Variants in RTN4 observed in about 807,000 individuals in gnomAD.
RTN4 encodes reticulon-4.
A neutral mutation model predicts 90.4 loss-of-function variants in RTN4; 32 were observed. The ratio of observed to expected loss-of-function variants is 0.35; its 90% CI spans 0.27 to 0.48. The LOEUF (loss-of-function observed/expected upper bound fraction) is 0.48. Among genes scored for constraint, RTN4 ranks in the 20% least tolerant of loss-of-function variants. The pLI, the probability that RTN4 is intolerant of heterozygous loss-of-function variation, is 0.99. For missense variants in RTN4, 1,706 were observed against 1,430.2 expected, an observed-to-expected ratio of 1.19 and a Z score of -3.11; for synonymous variants, 629 against 552.5, an observed-to-expected ratio of 1.14 and a Z score of -1.94.
chr2:54,988,294 G>A (rs1406676794), intron 3 of RTN4, among the ~76,000 whole-genome samples: 2 of 152,192 alleles, frequency 1.3e-5, no homozygotes, highest in African/African-American at 4.8e-5. Flanking sequence ...TCCAGAATGG[G>A]CGACAGAGCA....
intron 4 of RTN4, among the ~76,000 whole-genome samples, chr2:54,986,139 C>T (rs1226884599): frequency 6.6e-6 from 1 of 152,064 alleles, no homozygotes; most frequent in African/African-American, 2.4e-5. Context: ...AAATGAGAGA[C>T]AAGACAAAGA....
At chr2:55,086,408 C>G (rs915869972) in intron 1 of RTN4, among the ~76,000 whole-genome samples, 3 of 151,958 alleles carry the variant, frequency 2.0e-5, no homozygotes, top group Admixed American at 6.6e-5. Flanking sequence ...CACCTGTAAT[C>G]CCAGAACGTT....
At chr2:55,041,089 T>C (rs1188434813) in intron 1 of RTN4, among the ~76,000 whole-genome samples, 1 of 151,840 alleles carries the variant, frequency 6.6e-6, no homozygotes, top group East Asian at 1.9e-4. Flanking sequence ...AATTTTTTTT[T>C]TTTTTTGGAA....
At chr2:54,996,027 G>A (rs773413806) in intron 3 of RTN4, among the ~76,000 whole-genome samples, 3 of 152,034 alleles carry the variant, frequency 2.0e-5, no homozygotes, top group African/African-American at 7.2e-5. Flanking sequence ...CAAGGCTGTA[G>A]GACACAATAT....
chr2:55,111,596 C>A (rs1242064918), intron 1 of RTN4, among the ~76,000 whole-genome samples: 1 of 152,132 alleles, frequency 6.6e-6, no homozygotes, highest in Admixed American at 6.5e-5. Flanking sequence ...CACCTCCCAC[C>A]CTCTGCTGGG....
At chr2:54,998,516 T>C (rs1253577834) in intron 3 of RTN4, among the ~76,000 whole-genome samples, 1 of 152,232 alleles carries the variant, frequency 6.6e-6, no homozygotes, top group Non-Finnish European at 1.5e-5. Flanking sequence ...TTATTTTATT[T>C]ACACTATTTT....
chr2:55,079,089 G>A (rs978070002), intron 2 of RTN4, among the ~76,000 whole-genome samples: 11 of 152,204 alleles, frequency 7.2e-5, no homozygotes, highest in Non-Finnish European at 1.6e-4. Flanking sequence ...ACATAGAGGA[G>A]GTTGTGGTCA....
chr2:54,980,543 T>C (rs1009529547), intron 5 of RTN4, among the ~76,000 whole-genome samples: 1 of 152,240 alleles, frequency 6.6e-6, no homozygotes, highest in Admixed American at 6.5e-5. Flanking sequence ...ATTGTAGACA[T>C]ATAGCTGCCT....
chr2:55,018,557 A>C (rs1681205438), intron 3 of RTN4, among the ~76,000 whole-genome samples: 1 of 152,182 alleles, frequency 6.6e-6, no homozygotes, highest in African/African-American at 2.4e-5. Flanking sequence ...AGTGATATGA[A>C]AAAAGCATTC....
At chr2:55,065,515 TAAAA>T (rs530373145) in intron 2 of RTN4, among the ~76,000 whole-genome samples, 2 of 150,768 alleles carry the variant, frequency 1.3e-5, no homozygotes, top group African/African-American at 2.4e-5. Flanking sequence ...ACTTATAAAA[TAAAA>T]AAAAAATTTT....
At position 55,027,185 on chromosome 2, in the gene RTN4, C is replaced by T; in HGVS notation, c.914G>A (p.Ser305Asn). The T allele has an allele frequency of 1.2e-6, 2 of 1,613,718 alleles. No individual in the cohort carries two copies. The change falls in exon 3 of 9, where the codon AGT (serine) becomes AAT (asparagine). Residue 305 changes from serine to asparagine, a missense_variant. Coordinates refer to ENST00000337526, the MANE Select transcript of RTN4 (RefSeq NM_020532.5). ...GGCAGATTCTGCTTTTGGAGAGACACTGAACGATGATCCCATTTCTGAGTA... is the reference window on the plus strand; with the variant it reads ...GGCAGATTCTGCTTTTGGAGAGACATTGAACGATGATCCCATTTCTGAGTA... ...LEYSEMGSSF[S>N]VSPKAESAVI...
intron 1 of RTN4, among the ~76,000 whole-genome samples, chr2:55,081,520 CACTACTTGCA>C (rs926665098): frequency 1.3e-5 from 2 of 151,928 alleles, no homozygotes; most frequent in Non-Finnish European, 2.9e-5. Flanking sequence ...GTGATTATTG[CACTACTTGCA>C]AACTCAGAGA....
chr2:55,088,269 G>A (rs1234200721), intron 1 of RTN4, among the ~76,000 whole-genome samples: 2 of 152,248 alleles, frequency 1.3e-5, no homozygotes, highest in Non-Finnish European at 2.9e-5. Flanking sequence ...AGGGAAGGAA[G>A]GAAAAGTGGG....
chr2:55,032,959 T>C (rs1469406629), intron 1 of RTN4, among the ~76,000 whole-genome samples: 2 of 151,404 alleles, frequency 1.3e-5, no homozygotes, highest in South Asian at 2.1e-4. Flanking sequence ...GCCCAGGAGT[T>C]TGAGGCTGTA....
upstream of RTN4, among the ~76,000 whole-genome samples, chr2:55,114,421 G>A (rs1299771908): frequency 5.9e-5 from 9 of 152,164 alleles, no homozygotes; most frequent in South Asian, 2.1e-4. Context: ...ACTCCAGGCC[G>A]GGCGTGGTGG....
intron 4 of RTN4, 59 bp downstream of exon 4, chr2:54,987,432 T>C: frequency 2.4e-6 from 3 of 1,230,932 alleles, no homozygotes; most frequent in Non-Finnish European, 1.2e-6. Flanking sequence ...AGATGAAGTC[T>C]TAATACCAAT....
At chr2:54,994,606 C>G (rs1192746124) in intron 3 of RTN4, among the ~76,000 whole-genome samples, 2 of 152,074 alleles carry the variant, frequency 1.3e-5, no homozygotes, top group African/African-American at 4.8e-5. Flanking sequence ...CTACAAAAAC[C>G]CACAGCTAAC....
At chr2:55,009,209 G>GA (rs1680455713) in intron 3 of RTN4, among the ~76,000 whole-genome samples, 1 of 151,716 alleles carries the variant, frequency 6.6e-6, no homozygotes, top group African/African-American at 2.4e-5. Context: ...ATGTAGCCAG[G>GA]AAAAAAATTG....
At chr2:55,049,702 G>C in intron 1 of RTN4, 43 bp downstream of exon 1, 6 of 1,419,460 alleles carry the variant, frequency 4.2e-6, no homozygotes, top group Non-Finnish European at 5.6e-6. Context: ...AAAAGAGGGA[G>C]GGGCGCGAGG....
Sources: allele counts gnomAD v4.1 joint callset (sites outside exome capture counted in the v4.1 genomes callset), GRCh38; gene constraint gnomAD v4.1.1; transcripts MANE v1.5; gene names NCBI Gene and HGNC (gene_info 2026-07-23, HGNC 2026-07-21).